NBEAL1: variants seen among roughly 807,000 people sequenced by gnomAD.
NBEAL1 encodes the protein neurobeachin like 1, also known as neurobeachin-like protein 1.
NBEAL1 carries 273 observed loss-of-function variants against 351.3 expected under a neutral mutation model. The ratio of observed to expected loss-of-function variants is 0.78; its 90% CI spans 0.70 to 0.86. NBEAL1 has a LOEUF of 0.86. NBEAL1 is among the 40% of genes least tolerant of loss of function. The probability of loss-of-function intolerance (pLI) is 0.00; values close to 1 mark genes in which losing one functional copy is unlikely to be tolerated. For missense variants in NBEAL1, 2,961 were observed against 3,201.3 expected (o/e 0.92, Z 1.81); for synonymous variants, 1,050 against 1,086.4 (o/e 0.97, Z 0.66).
At chr2:203,175,030 C>A in intron 41 of NBEAL1, 117 bp from the exon 42 acceptor site, 1 of 826,380 alleles carries the variant, frequency 1.2e-6, no homozygotes, top group Non-Finnish European at 1.9e-6. Flanking sequence ...GATAATGAGG[C>A]ATATGAAGAA....
At position 203,099,869 on chromosome 2, in the gene NBEAL1, G is replaced by A. The variant is rs892908083; in HGVS notation, c.1269+157G>A. 2.0e-5 allele frequency among the ~76,000 whole-genome samples: 3 copies of A among 152,112 alleles called. No homozygotes were observed. The East Asian group carries it at 5.8e-4, about 29-fold the overall frequency. On this transcript the variant is annotated intron_variant, in intron 12 of 55. Transcript: ENST00000683969. Reference sequence around the variant, plus strand: ...AGGTAATAAGCATAGTACCCAATAGGTAGTTTTTCAATCTTCCCGCTCCTC... The same window carrying A: ...AGGTAATAAGCATAGTACCCAATAGATAGTTTTTCAATCTTCCCGCTCCTC...
chr2:203,105,702 T>A (rs977290048), intron 12 of NBEAL1, among the ~76,000 whole-genome samples: 1 of 152,232 alleles, frequency 6.6e-6, no homozygotes, highest in African/African-American at 2.4e-5. Flanking sequence ...GGTTATTTAT[T>A]GTTTGCCTAT....
At chr2:203,104,495 T>G (rs2062391670) in intron 12 of NBEAL1, among the ~76,000 whole-genome samples, 1 of 152,244 alleles carries the variant, frequency 6.6e-6, no homozygotes, top group Admixed American at 6.5e-5. Context: ...TTTATCCAAC[T>G]TGCCACTCTG....
At chr2:203,136,835 C>T in intron 29 of NBEAL1, 61 bp downstream of exon 29, 14 of 1,398,210 alleles carry the variant, frequency 1.0e-5, no homozygotes, top group East Asian at 2.3e-5. Context: ...TCTAAAATAA[C>T]GTTAGTTATT....
In NBEAL1 at chr2:203,132,125, A is replaced by C; in HGVS notation, c.3717A>C (p.Ile1239=). 1.3e-6 allele frequency: 2 copies of C among 1,518,146 alleles called. No homozygotes were observed. Among genetic ancestry groups the C allele is most frequent in the Non-Finnish European group, 1.8e-6 (2 of 1,120,622 alleles). The allele number at this position is 1,518,146 out of a possible 1,614,324, so 94.0% of individuals were successfully genotyped here. A position where few individuals can be genotyped will look rare whatever the true frequency, so the allele number is the denominator to read the frequency against. ...SLIKNLTHQI[I]NTDPVINFKD... is the part of the protein sequence containing the mutation. ...TTAAAAACCTCACCCATCAAATCAT[A>C]AATACAGGTATGAATAAGGCTAATA... Residue 1239 remains isoleucine, a synonymous_variant, in exon 26 of 56, where the codon ATA becomes ATC. Coordinates refer to ENST00000683969, the MANE Select transcript of NBEAL1 (RefSeq NM_001378026.1).
At chr2:203,100,352 T>G (rs1158998781) in intron 12 of NBEAL1, among the ~76,000 whole-genome samples, 1 of 152,174 alleles carries the variant, frequency 6.6e-6, no homozygotes, top group African/African-American at 2.4e-5. Context: ...CTGAGCTAAT[T>G]TGCATCCCAC....
At chr2:203,149,484 C>A (rs955454297) in intron 34 of NBEAL1, among the ~76,000 whole-genome samples, 1 of 152,090 alleles carries the variant, frequency 6.6e-6, no homozygotes, top group Non-Finnish European at 1.5e-5. Flanking sequence ...GAATATTTTA[C>A]AATTCACTTA....
intron 45 of NBEAL1, among the ~76,000 whole-genome samples, chr2:203,189,511 T>C (rs372565043): frequency 4.6e-5 from 7 of 152,094 alleles, no homozygotes; most frequent in African/African-American, 1.7e-4. Context: ...CTCAGCCTCC[T>C]GAGTAGCTGG....
At position 203,153,846 on chromosome 2, in the gene NBEAL1, G is replaced by GT. The variant is rs2063726135; in HGVS notation, c.5587+2263dup. Among the ~76,000 whole-genome samples, 3 of 151,962 alleles carry GT rather than the reference G, an allele frequency of 2.0e-5. No individual in the cohort carries two copies. In the South Asian group the frequency reaches 6.2e-4, roughly 32 times the overall value. On this transcript the variant is annotated intron_variant, in intron 35 of 55. Coordinates refer to ENST00000683969, the MANE Select transcript of NBEAL1 (RefSeq NM_001378026.1). ...AATTTCCTTCCATAAAGTTCCCTCT[G>GT]TTTTTTCCTCTCCTTCTCACCCCTC...
chr2:203,136,382 G>A (rs2063209234), intron 28 of NBEAL1, 130 bp downstream of exon 28: 1 of 845,022 alleles, frequency 1.2e-6, no homozygotes, highest in Non-Finnish European at 1.8e-6. Flanking sequence ...CATGATCTAA[G>A]GTTTAGAAAC....
At position 203,178,024 on chromosome 2, in the gene NBEAL1, A is replaced by T. The variant is rs537622173; in HGVS notation, c.6465-2358A>T. 1.6e-4 allele frequency among the ~76,000 whole-genome samples: 25 copies of T among 152,126 alleles called. No homozygotes were observed. In the East Asian group the frequency reaches 2.3e-3, roughly 14 times the overall value. On this transcript the variant is annotated intron_variant, in intron 42 of 55. Coordinates refer to ENST00000683969, the MANE Select transcript of NBEAL1 (RefSeq NM_001378026.1). The stretch of plus-strand genomic sequence containing the variant: ...ACAGAGCAATACTCCATCTCAAAAA[A>T]AAAAAATAAAAAAGTTAAATATAGA...
intron 15 of NBEAL1, 126 bp downstream of exon 15, chr2:203,110,408 C>G: frequency 1.0e-6 from 1 of 974,916 alleles, no homozygotes; most frequent in Non-Finnish European, 1.5e-6. Context: ...CAGTGGCACA[C>G]CTGTACGTAA....
At chr2:203,016,703 T>C (rs1295828025) in intron 2 of NBEAL1, among the ~76,000 whole-genome samples, 1 of 152,236 alleles carries the variant, frequency 6.6e-6, no homozygotes, top group Non-Finnish European at 1.5e-5. Flanking sequence ...AGTAAAATTA[T>C]GCCCTTAAGA....
In NBEAL1 at chr2:203,144,901, A is replaced by T. The variant is rs911975314; in HGVS notation, c.5150A>T (p.Lys1717Ile). 6.3e-7 allele frequency: 1 copy of T among 1,580,020 alleles called. No homozygotes were observed. Among genetic ancestry groups the T allele is most frequent in the Admixed American group, 1.9e-5 (1 of 52,716 alleles). The change falls in exon 32 of 56, where the codon AAA becomes ATA. Residue 1717 changes from lysine to isoleucine, a missense_variant. Transcript: ENST00000683969. ...AATGAATGGCAAGTTTACATTGAAA[A>T]ATATGTAAGTTTTATCTTTTTTGAT... ...NSNEWQVYIE[K>I]YIVPYMKQYE...
intron 2 of NBEAL1, among the ~76,000 whole-genome samples, chr2:203,026,619 A>G (rs1447636897): frequency 6.6e-6 from 1 of 151,800 alleles, no homozygotes; most frequent in Non-Finnish European, 1.5e-5. Flanking sequence ...GGTTCAAGCA[A>G]TTCTCCTGCC....
chr2:203,018,972 C>T (rs11687500), intron 2 of NBEAL1, among the ~76,000 whole-genome samples: 68,998 of 151,974 alleles, frequency 0.45, 17,146 homozygotes, highest in Middle Eastern at 0.69. Flanking sequence ...GTATTTAAAA[C>T]AAAGTATACA....
rs971771981 is a variant in NBEAL1, at chr2:203,217,500, A to G, written c.*146A>G. On this transcript the variant is annotated 3_prime_UTR_variant, in exon 56 of 56. Transcript: ENST00000683969. ...TAACCACAATTTGCTGTGGTATATA[A>G]ACTAATTCTTGGTCTATACTAAGAT... 78 of 1,289,720 alleles carry G rather than the reference A, an allele frequency of 6.0e-5. No individual in the cohort carries two copies. Among genetic ancestry groups the G allele is most frequent in the Non-Finnish European group, 7.6e-5 (77 of 1,016,696 alleles). The allele number at this position is 1,289,720 out of a possible 1,614,324, so 79.9% of individuals were successfully genotyped here. A position where few individuals can be genotyped will look rare whatever the true frequency, so the allele number is the denominator to read the frequency against.
chr2:203,091,288 G>A (rs1574955653), intron 10 of NBEAL1, among the ~76,000 whole-genome samples: 2 of 152,026 alleles, frequency 1.3e-5, no homozygotes, highest in African/African-American at 2.4e-5. Context: ...CTCAAGATTC[G>A]TCCATGTCGT....
chr2:203,102,689 T>C (rs750233842), intron 12 of NBEAL1, among the ~76,000 whole-genome samples: 9 of 152,250 alleles, frequency 5.9e-5, no homozygotes, highest in Non-Finnish European at 1.2e-4. Flanking sequence ...CTCTTTGATG[T>C]GCTGCTGGAT....
Sources: allele counts gnomAD v4.1 joint callset (sites outside exome capture counted in the v4.1 genomes callset), GRCh38; gene constraint gnomAD v4.1.1; transcripts MANE v1.5; gene names NCBI Gene and HGNC (gene_info 2026-07-23, HGNC 2026-07-21).